The following TSHZ2 variants were observed in gnomAD, a reference collection of about 807,000 sequenced individuals.
TSHZ2 encodes teashirt zinc finger homeobox 2.
In TSHZ2, 21 loss-of-function variants were observed where a neutral mutation model predicts 74.4. The ratio of observed to expected loss-of-function variants is 0.28; its 90% confidence interval spans 0.20 to 0.41. The LOEUF (loss-of-function observed/expected upper bound fraction) is 0.41, where lower values mean the gene tolerates loss of function less well. Among genes scored for constraint, TSHZ2 ranks in the 10% least tolerant of loss-of-function variants. The pLI is 1.00. For synonymous variants in TSHZ2, 540 were observed against 515.3 expected, an observed-to-expected ratio of 1.05 and a Z score of -0.65; for missense variants, 1,244 against 1,293.5, an observed-to-expected ratio of 0.96 and a Z score of 0.59.
chr20:53,210,029 G>A (rs1037901969), intron 1 of TSHZ2, among the ~76,000 whole-genome samples: 1 of 152,194 alleles, frequency 6.6e-6, no homozygotes, highest in African/African-American at 2.4e-5. Flanking sequence ...GCGTTAAGTC[G>A]GAAAGAAGCA....
intron 1 of TSHZ2, among the ~76,000 whole-genome samples, chr20:53,077,530 G>C (rs139677860): frequency 4.6e-5 from 7 of 152,244 alleles, no homozygotes; most frequent in Non-Finnish European, 8.8e-5. Flanking sequence ...GACAAGACCA[G>C]AGTCTTGGGA....
chr20:53,255,886 C>G lies in TSHZ2; in HGVS notation c.2428C>G (p.Pro810Ala), dbSNP rs199912682. 5.6e-4 allele frequency: 898 copies of G among 1,613,598 alleles called. 5 individuals carry two copies. Among genetic ancestry groups the G allele is most frequent in the South Asian group, 2.1e-4 (19 of 90,944 alleles). The change falls in exon 2 of 3, where the codon CCA (proline) becomes GCA (alanine). Residue 810 changes from proline to alanine, a missense_variant. By Grantham distance (27) the Pro-to-Ala change is conservative (BLOSUM62 -1). This residue lies in a region of TSHZ2 where 562 missense variants were observed against 544.0 expected (regional missense o/e 1.03). Coordinates refer to ENST00000371497, the MANE Select transcript of TSHZ2 (RefSeq NM_173485.6). The surrounding 1 kb of genome is among the most constrained non-coding windows in gnomAD (Gnocchi z 4.1). ...CCTCCCCAAAGCCACCACCCCAAAGCCAGCCTCCTCCTCCAGGGTCCCCCC... is the reference window on the plus strand; with the variant it reads ...CCTCCCCAAAGCCACCACCCCAAAGGCAGCCTCCTCCTCCAGGGTCCCCCC... Reference protein sequence around the residue: ...KVLPKATTPKPASSSRVPPMK... With the variant: ...KVLPKATTPKAASSSRVPPMK...
At chr20:52,996,114 A>G (rs1165974692) in intron 1 of TSHZ2, among the ~76,000 whole-genome samples, 1 of 152,076 alleles carries the variant, frequency 6.6e-6, no homozygotes, top group Admixed American at 6.6e-5. Context: ...GGAGAAAGAG[A>G]TATATTCTTT....
chr20:53,405,547 A>C (rs1297131993), intron 2 of TSHZ2, among the ~76,000 whole-genome samples: 1 of 152,260 alleles, frequency 6.6e-6, no homozygotes, highest in Non-Finnish European at 1.5e-5. Context: ...TTTTAGTCCT[A>C]GGTACTATTT....
chr20:53,282,635 A>G (rs1296143561), intron 2 of TSHZ2, among the ~76,000 whole-genome samples: 1 of 152,204 alleles, frequency 6.6e-6, no homozygotes, highest in African/African-American at 2.4e-5. Flanking sequence ...ACTGAGGGTG[A>G]CCATGACTGA....
chr20:53,218,179 G>A (rs1057179745), intron 1 of TSHZ2, among the ~76,000 whole-genome samples: 2 of 152,208 alleles, frequency 1.3e-5, no homozygotes, highest in Non-Finnish European at 2.9e-5. Context: ...TAAAGACTAC[G>A]CCTATAGGCT....
At chr20:53,077,350 G>A (rs980808371) in intron 1 of TSHZ2, among the ~76,000 whole-genome samples, 1 of 151,258 alleles carries the variant, frequency 6.6e-6, no homozygotes, top group Admixed American at 6.6e-5. Context: ...GGCAAAGGTT[G>A]CAGTGAGCCA....
At chr20:53,351,065 G>A (rs1326468332) in intron 2 of TSHZ2, among the ~76,000 whole-genome samples, 1 of 152,178 alleles carries the variant, frequency 6.6e-6, no homozygotes, top group East Asian at 1.9e-4. Context: ...AAATGAAAAT[G>A]TAACATTTCA....
Position 53,235,136 on chromosome 20 carries a change from G to GC in TSHZ2, c.41-18362dup, listed in dbSNP as rs1491307147. Reference sequence around the variant, plus strand: ...TCTGAGCTTGGTTTTGTTGGGCGGGGCGGGGGGGGGGGAATGGGGGAGGGC... The same window carrying GC: ...TCTGAGCTTGGTTTTGTTGGGCGGGGCCGGGGGGGGGGGAATGGGGGAGGGC... On this transcript the variant is annotated intron_variant, in intron 1 of 2. Coordinates refer to ENST00000371497, the MANE Select transcript of TSHZ2 (RefSeq NM_173485.6). 4.2e-4 allele frequency among the ~76,000 whole-genome samples: 50 copies of GC among 119,388 alleles called. 1 individual carries two copies. In the South Asian group the frequency reaches 0.016, roughly 39 times the overall value. 78.3% of individuals were successfully genotyped at this position (119,388 alleles called of 152,430 possible).
intron 1 of TSHZ2, among the ~76,000 whole-genome samples, chr20:53,148,637 G>A (rs1324163601): frequency 3.3e-5 from 5 of 152,132 alleles, no homozygotes; most frequent in Non-Finnish European, 2.9e-5. Context: ...CATTCAATAT[G>A]TATGGATCAT....
intron 1 of TSHZ2, among the ~76,000 whole-genome samples, chr20:52,975,551 TA>T (rs1283228234): frequency 6.6e-6 from 1 of 151,942 alleles, no homozygotes; most frequent in Non-Finnish European, 1.5e-5. Context: ...TAGAAACTTG[TA>T]ACTATAGTTT....
chr20:53,391,599 G>T (rs765847364), intron 2 of TSHZ2, among the ~76,000 whole-genome samples: 1 of 151,978 alleles, frequency 6.6e-6, no homozygotes, highest in Non-Finnish European at 1.5e-5. Flanking sequence ...GTCCAGCCCA[G>T]TGTACTATTT....
intron 2 of TSHZ2, among the ~76,000 whole-genome samples, chr20:53,434,562 A>G (rs1983970276): frequency 6.6e-6 from 1 of 152,208 alleles, no homozygotes; most frequent in Non-Finnish European, 1.5e-5. Flanking sequence ...GTAGTCAAGA[A>G]AGACACTTGA....
chr20:53,102,354 CTA>C (rs1303169753), intron 1 of TSHZ2, among the ~76,000 whole-genome samples: 1 of 150,710 alleles, frequency 6.6e-6, no homozygotes, highest in Non-Finnish European at 1.5e-5. Flanking sequence ...ACAATTAACT[CTA>C]TTTTTCACTT....
intron 1 of TSHZ2, among the ~76,000 whole-genome samples, chr20:53,166,454 CA>C (rs1041845257): frequency 2.0e-5 from 3 of 151,352 alleles, no homozygotes; most frequent in Non-Finnish European, 2.9e-5. Context: ...CCTGTCTCTA[CA>C]AAAAAAACTA....
chr20:53,440,009 T>C (rs867648250), intron 2 of TSHZ2, among the ~76,000 whole-genome samples: 1 of 152,188 alleles, frequency 6.6e-6, no homozygotes, highest in South Asian at 2.1e-4. Flanking sequence ...CAATTATTTT[T>C]ATTCTTCAAA....
chr20:53,123,117 T>TC (rs374102805), intron 1 of TSHZ2, among the ~76,000 whole-genome samples: 81 of 152,304 alleles, frequency 5.3e-4, no homozygotes, highest in African/African-American at 1.6e-3. Context: ...TCCAGCCACC[T>TC]CTCCATCAGC....
intron 2 of TSHZ2, among the ~76,000 whole-genome samples, chr20:53,379,431 G>C (rs1981781191): frequency 6.6e-6 from 1 of 152,020 alleles, no homozygotes; most frequent in African/African-American, 2.4e-5. Context: ...TGTAGAATGA[G>C]TGGATAAATT....
At chr20:53,125,036 G>C (rs1986908872) in intron 1 of TSHZ2, among the ~76,000 whole-genome samples, 1 of 152,162 alleles carries the variant, frequency 6.6e-6, no homozygotes, top group Admixed American at 6.5e-5. Context: ...CAGTGACCTG[G>C]ATTTGGCATC....
Sources: allele counts gnomAD v4.1 joint callset (sites outside exome capture counted in the v4.1 genomes callset), GRCh38; gene constraint gnomAD v4.1.1; regional missense constraint gnomAD v4.1.1; non-coding constraint Gnocchi (gnomAD v3.1); transcripts MANE v1.5; gene names NCBI Gene and HGNC (gene_info 2026-07-23, HGNC 2026-07-21).